Variants in PTPRK observed in about 807,000 individuals in gnomAD.
PTPRK encodes the protein protein tyrosine phosphatase receptor type K, also known as receptor-type tyrosine-protein phosphatase kappa.
In PTPRK, 75 loss-of-function variants were observed where a neutral mutation model predicts 178.0. The ratio of observed to expected loss-of-function variants is 0.42; its 90% CI spans 0.35 to 0.51. The LOEUF (loss-of-function observed/expected upper bound fraction) is 0.51. Ranked by LOEUF, PTPRK falls within the 20% of genes least tolerant of loss-of-function variation. PTPRK has a pLI of 0.02. For missense variants in PTPRK, 1,441 were observed against 1,797.8 expected (o/e 0.80, Z 3.59); for synonymous variants, 637 against 620.6 (o/e 1.03, Z -0.39).
chr6:128,055,429 A>AT (rs1296461486), intron 13 of PTPRK, among the ~76,000 whole-genome samples: 1 of 151,932 alleles, frequency 6.6e-6, no homozygotes, highest in Non-Finnish European at 1.5e-5. Flanking sequence ...AGTTGGATAT[A>AT]TTTTTTCTAT....
intron 7 of PTPRK, among the ~76,000 whole-genome samples, chr6:128,140,326 A>G (rs1795591695): frequency 6.6e-6 from 1 of 152,092 alleles, no homozygotes; most frequent in Admixed American, 6.6e-5. Context: ...AAAATTAAAA[A>G]AATATATAAA....
At chr6:128,461,522 T>C (rs1438632764) in intron 1 of PTPRK, among the ~76,000 whole-genome samples, 7 of 152,156 alleles carry the variant, frequency 4.6e-5, no homozygotes, top group Non-Finnish European at 8.8e-5. Context: ...CTGGCCACAA[T>C]TGACGTTAAC....
At chr6:128,253,915 A>G (rs1461531725) in intron 3 of PTPRK, among the ~76,000 whole-genome samples, 1 of 152,206 alleles carries the variant, frequency 6.6e-6, no homozygotes, top group East Asian at 1.9e-4. Flanking sequence ...GTGAAGAGAT[A>G]AGATAAATGG....
intron 5 of PTPRK, among the ~76,000 whole-genome samples, chr6:128,220,411 G>C (rs73590658): frequency 0.072 from 11,017 of 152,148 alleles, 895 homozygotes; most frequent in African/African-American, 0.2. Context: ...AACCCACAAC[G>C]CTGAGAAAGA....
At chr6:128,473,323 T>C (rs1326836135) in intron 1 of PTPRK, among the ~76,000 whole-genome samples, 1 of 151,738 alleles carries the variant, frequency 6.6e-6, no homozygotes, top group African/African-American at 2.4e-5. Flanking sequence ...TATAGTATCA[T>C]ACCTGAAAGC....
At chr6:128,284,766 CTA>C (rs1437720062) in intron 3 of PTPRK, among the ~76,000 whole-genome samples, 1 of 152,150 alleles carries the variant, frequency 6.6e-6, no homozygotes, top group Non-Finnish European at 1.5e-5. Context: ...GCTAAGGAAA[CTA>C]GAGTGCAAAT....
intron 1 of PTPRK, among the ~76,000 whole-genome samples, chr6:128,490,674 C>T (rs1853646226): frequency 6.6e-6 from 1 of 152,188 alleles, no homozygotes; most frequent in Non-Finnish European, 1.5e-5. Flanking sequence ...CCTTCATTTT[C>T]CCACACAGCA....
At chr6:128,219,796 T>C (rs2128272325) in intron 5 of PTPRK, among the ~76,000 whole-genome samples, 1 of 152,314 alleles carries the variant, frequency 6.6e-6, no homozygotes, top group Middle Eastern at 3.4e-3. Flanking sequence ...AGTATGTTTT[T>C]CCCCACCAGA....
intron 3 of PTPRK, chr6:128,321,184 T>C (rs548570108): frequency 6.6e-6 from 1 of 152,186 alleles, no homozygotes; most frequent in Non-Finnish European, 1.5e-5. Context: ...TACTTTTACA[T>C]AAATGTATTC....
chr6:128,125,885 G>C (rs571820705), intron 7 of PTPRK, among the ~76,000 whole-genome samples: 86 of 151,934 alleles, frequency 5.7e-4, no homozygotes, highest in Admixed American at 3.3e-4. Context: ...TGGGATTACA[G>C]GCCTGAGCCA....
chr6:128,134,083 A>C (rs1009109023), intron 7 of PTPRK, among the ~76,000 whole-genome samples: 1 of 152,224 alleles, frequency 6.6e-6, no homozygotes, highest in African/African-American at 2.4e-5. Flanking sequence ...AATATCAAAT[A>C]AATATATTTA....
intron 1 of PTPRK, among the ~76,000 whole-genome samples, chr6:128,517,673 A>G (rs1858287665): frequency 6.6e-6 from 1 of 152,234 alleles, no homozygotes; most frequent in Non-Finnish European, 1.5e-5. Context: ...AGAAAACTGA[A>G]TAAGTATATG....
chr6:128,432,326 T>C (rs1440826375), intron 1 of PTPRK, among the ~76,000 whole-genome samples: 2 of 152,258 alleles, frequency 1.3e-5, no homozygotes, highest in African/African-American at 4.8e-5. Context: ...TACTGCAGTA[T>C]ATAAACCAAA....
At chr6:128,413,871 C>T (rs781408362) in intron 1 of PTPRK, among the ~76,000 whole-genome samples, 8 of 152,090 alleles carry the variant, frequency 5.3e-5, no homozygotes, top group Non-Finnish European at 1.2e-4. Context: ...TTTTCTTACT[C>T]AAACCAATGT....
chr6:128,291,750 T>C (rs1823418875), intron 3 of PTPRK, among the ~76,000 whole-genome samples: 2 of 152,120 alleles, frequency 1.3e-5, no homozygotes, highest in African/African-American at 4.8e-5. Flanking sequence ...ACTTATGTTG[T>C]GTTTGTTTGG....
At chr6:128,017,802 G>GTATATATATATATATATATATATA (rs34836605) in intron 13 of PTPRK, among the ~76,000 whole-genome samples, 12 of 101,258 alleles carry the variant, frequency 1.2e-4, no homozygotes, top group South Asian at 3.7e-4. Flanking sequence ...ATATATATGT[G>GTATATATATATATATATATATATA]TATATATATA....
intron 7 of PTPRK, among the ~76,000 whole-genome samples, chr6:128,154,328 A>C (rs1466065169): frequency 6.6e-6 from 1 of 151,840 alleles, no homozygotes; most frequent in Non-Finnish European, 1.5e-5. Context: ...TAGCAAAAAA[A>C]TTAGGAAAAA....
chr6:128,283,368 T>A (rs1209443101), intron 3 of PTPRK, among the ~76,000 whole-genome samples: 1 of 152,146 alleles, frequency 6.6e-6, no homozygotes, highest in East Asian at 1.9e-4. Flanking sequence ...TTAGGAGAGC[T>A]CAAAATACAA....
intron 3 of PTPRK, 133 bp from the exon 4 acceptor site, chr6:128,242,735 T>C: frequency 7.6e-7 from 1 of 1,322,958 alleles, no homozygotes; most frequent in Non-Finnish European, 1.0e-6. Context: ...AACCTTATAA[T>C]GTAAGTAATT....
Sources: allele counts gnomAD v4.1 joint callset (sites outside exome capture counted in the v4.1 genomes callset), GRCh38; gene constraint gnomAD v4.1.1; transcripts MANE v1.5; gene names NCBI Gene and HGNC (gene_info 2026-07-23, HGNC 2026-07-21).